The following KIF6 variants were observed in gnomAD, a reference collection of about 807,000 sequenced individuals.
KIF6 encodes kinesin-like protein KIF6.
KIF6 carries 106 observed loss-of-function variants against 112.7 expected under a neutral mutation model. The observed-to-expected ratio is 0.94, with a 90% CI of 0.80 to 1.11. KIF6 has a LOEUF of 1.11. KIF6 is among the 50% of genes least tolerant of loss of function. The pLI is 0.00. For missense variants in KIF6, 929 were observed against 964.0 expected, an observed-to-expected ratio of 0.96 and a Z score of 0.48; for synonymous variants, 339 against 339.9, an observed-to-expected ratio of 1.00 and a Z score of 0.03.
chr6:39,667,429 T>C (rs1786543534), intron 3 of KIF6, among the ~76,000 whole-genome samples: 3 of 152,050 alleles, frequency 2.0e-5, no homozygotes, highest in South Asian at 4.1e-4. Flanking sequence ...CCAGCACCAA[T>C]AGGATGGCAC....
chr6:39,556,075 G>C (rs1296364288), intron 10 of KIF6, among the ~76,000 whole-genome samples: 1 of 151,398 alleles, frequency 6.6e-6, no homozygotes, highest in Non-Finnish European at 1.5e-5. Context: ...AGTGAGTAAA[G>C]ATCATGCCTA....
intron 19 of KIF6, among the ~76,000 whole-genome samples, chr6:39,352,602 A>G (rs1276559126): frequency 1.5e-5 from 2 of 133,746 alleles, no homozygotes; most frequent in East Asian, 4.4e-4. Context: ...ATGGCCTGAT[A>G]GCTCTTTTTT....
chr6:39,383,130 T>TGAGA lies in KIF6; in HGVS notation c.1861+2488_1861+2491dup, dbSNP rs570101925. Among the ~76,000 whole-genome samples the TGAGA allele has an allele frequency of 1.4e-3, 209 of 152,308 alleles. 1 individual carries two copies. The highest frequency in any genetic ancestry group is 4.8e-3 in the African/African-American group (200 of 41,562). On this transcript the variant is annotated intron_variant, in intron 16 of 22. Coordinates refer to ENST00000287152, the MANE Select transcript of KIF6 (RefSeq NM_145027.6). ...TCTGTAGGTTGTCTGTTTACTCTGT[T>TGAGA]GAGAGCTTCTTTTGCTGTGCAGAAG...
In KIF6 at chr6:39,545,318, A is replaced by T. The variant is rs185937350; in HGVS notation, c.1287+265T>A. Among the ~76,000 whole-genome samples the T allele has an allele frequency of 1.9e-3, 288 of 152,344 alleles. 6 individuals are homozygous for T. The South Asian group carries it at 0.044, about 23-fold the overall frequency. On this transcript the variant is annotated intron_variant, in intron 11 of 22. Coordinates refer to ENST00000287152, the MANE Select transcript of KIF6 (RefSeq NM_145027.6). ...TGATATAGCTTGAAAATAGTTTTTT[A>T]AAAAATATGGAACTATTCTGTGTAG...
intron 14 of KIF6, among the ~76,000 whole-genome samples, chr6:39,422,128 A>C (rs1770418433): frequency 6.6e-6 from 1 of 152,214 alleles, no homozygotes; most frequent in African/African-American, 2.4e-5. Context: ...GCAAGGGTGC[A>C]AAACTGCTGA....
In KIF6 at chr6:39,551,434, T is replaced by C. The variant is rs1779372768; in HGVS notation, c.1182-5746A>G. Reference sequence around the variant, plus strand: ...TAAGATCCAGTATTCAGTGGCACAATGGGGTGACTATAGTTAACAATAATT... The same window carrying C: ...TAAGATCCAGTATTCAGTGGCACAACGGGGTGACTATAGTTAACAATAATT... On this transcript the variant is annotated intron_variant, in intron 10 of 22. Transcript: ENST00000287152. 2.0e-5 allele frequency among the ~76,000 whole-genome samples: 3 copies of C among 152,074 alleles called. No individual in the cohort carries two copies. The South Asian group carries it at 6.2e-4, about 32-fold the overall frequency.
At chr6:39,699,234 T>A (rs1378848099) in intron 3 of KIF6, among the ~76,000 whole-genome samples, 2 of 151,900 alleles carry the variant, frequency 1.3e-5, no homozygotes, top group Non-Finnish European at 2.9e-5. Context: ...AAATGTGGCA[T>A]CAGGTAGGGG....
At chr6:39,531,928 C>T (rs1778088497) in intron 13 of KIF6, among the ~76,000 whole-genome samples, 1 of 152,138 alleles carries the variant, frequency 6.6e-6, no homozygotes, top group Non-Finnish European at 1.5e-5. Flanking sequence ...TTTCACTCCC[C>T]AGATCCTAAC....
At chr6:39,702,295 A>G (rs1788919181) in intron 3 of KIF6, among the ~76,000 whole-genome samples, 1 of 152,004 alleles carries the variant, frequency 6.6e-6, no homozygotes, top group Non-Finnish European at 1.5e-5. Context: ...GCCCCAGCTC[A>G]TTTCTATTTG....
chr6:39,357,890 A>G (rs1764835856), intron 18 of KIF6, among the ~76,000 whole-genome samples: 2 of 152,232 alleles, frequency 1.3e-5, no homozygotes, highest in Non-Finnish European at 2.9e-5. Flanking sequence ...ATTATGGGTA[A>G]TGTTTAATTT....
rs1380763489 is a variant in KIF6, at chr6:39,353,288, CATT to C, written c.2180+3986_2180+3988del. 8.5e-5 allele frequency among the ~76,000 whole-genome samples: 13 copies of C among 152,238 alleles called. No homozygotes were observed. In the East Asian group the frequency reaches 2.1e-3, roughly 25 times the overall value. On this transcript the variant is annotated intron_variant, in intron 19 of 22. Coordinates refer to ENST00000287152, the MANE Select transcript of KIF6 (RefSeq NM_145027.6). ...TTCTAATATGTATGTAGTGGTATCT[CATT>C]GTTGTTCTAATTTGTATTTCCCTGT... is the stretch of plus-strand genomic sequence containing the variant.
At chr6:39,419,622 G>A (rs931193161) in intron 15 of KIF6, among the ~76,000 whole-genome samples, 4 of 152,182 alleles carry the variant, frequency 2.6e-5, no homozygotes, top group Admixed American at 2.6e-4. Flanking sequence ...ACGAAATGAC[G>A]TCTCACTGTA....
intron 6 of KIF6, among the ~76,000 whole-genome samples, chr6:39,608,820 T>C (rs1445354717): frequency 6.6e-6 from 1 of 152,182 alleles, no homozygotes; most frequent in East Asian, 1.9e-4. Flanking sequence ...TCTTATTGCC[T>C]GAAATCACCA....
At chr6:39,670,135 G>A (rs1470069774) in intron 3 of KIF6, among the ~76,000 whole-genome samples, 2 of 152,140 alleles carry the variant, frequency 1.3e-5, no homozygotes, top group Non-Finnish European at 2.9e-5. Context: ...CTGGGCGCGG[G>A]AGAAGGAACA....
chr6:39,483,573 T>C (rs1774938785), intron 13 of KIF6, among the ~76,000 whole-genome samples: 1 of 152,222 alleles, frequency 6.6e-6, no homozygotes, highest in East Asian at 1.9e-4. Context: ...GAAAACAACT[T>C]GAAATCCATT....
chr6:39,582,796 A>ATT (rs1263158358), intron 9 of KIF6, among the ~76,000 whole-genome samples: 2 of 152,206 alleles, frequency 1.3e-5, no homozygotes, highest in African/African-American at 4.8e-5. Flanking sequence ...TAAAAGTAAG[A>ATT]CATAGGAAAT....
chr6:39,677,666 A>T (rs1445921808), intron 3 of KIF6, among the ~76,000 whole-genome samples: 1 of 125,130 alleles, frequency 8.0e-6, no homozygotes, highest in East Asian at 2.4e-4. Context: ...ATATCTCCCA[A>T]TGCTATCCCT....
chr6:39,337,118 TTC>T (rs1217566915), intron 22 of KIF6, among the ~76,000 whole-genome samples: 2 of 129,370 alleles, frequency 1.5e-5, no homozygotes, highest in African/African-American at 6.5e-5. Context: ...TTCTCTTTCT[TTC>T]TTTCTTTCCT....
intron 15 of KIF6, among the ~76,000 whole-genome samples, chr6:39,415,428 G>A (rs1425585991): frequency 6.6e-6 from 1 of 151,942 alleles, no homozygotes; most frequent in Admixed American, 6.6e-5. Flanking sequence ...CCACCTTACA[G>A]GTGTGTCTCC....
Sources: allele counts gnomAD v4.1 joint callset (sites outside exome capture counted in the v4.1 genomes callset), GRCh38; gene constraint gnomAD v4.1.1; transcripts MANE v1.5; gene names NCBI Gene and HGNC (gene_info 2026-07-23, HGNC 2026-07-21).